CCDC91: variants seen among roughly 807,000 people sequenced by gnomAD.
CCDC91 encodes the protein coiled-coil domain-containing protein 91.
Under a neutral mutation model 63.2 loss-of-function variants are expected in CCDC91, and 48 were observed. The ratio of observed to expected loss-of-function variants is 0.76; its 90% confidence interval spans 0.60 to 0.97. The LOEUF (loss-of-function observed/expected upper bound fraction) is 0.97, where lower values mean the gene tolerates loss of function less well. Among genes scored for constraint, CCDC91 ranks in the 50% least tolerant of loss-of-function variants. CCDC91 has a pLI of 0.00. For missense variants in CCDC91, 500 were observed against 494.6 expected (o/e 1.01, Z -0.10); for synonymous variants, 167 against 165.8 (o/e 1.01, Z -0.06).
intron 3 of CCDC91, among the ~76,000 whole-genome samples, chr12:28,296,956 A>G (rs1949597237): frequency 6.6e-6 from 1 of 151,908 alleles, no homozygotes; most frequent in African/African-American, 2.4e-5. Flanking sequence ...TTTGGGGATC[A>G]GAGGTGAGAT....
intron 6 of CCDC91, among the ~76,000 whole-genome samples, chr12:28,326,105 G>T (rs1940971641): frequency 6.6e-6 from 1 of 152,004 alleles, no homozygotes; most frequent in Admixed American, 6.6e-5. Flanking sequence ...TTGTCTAAGA[G>T]ATATTTGTGG....
At chr12:28,203,422 C>T (rs375594186) in intron 1 of CCDC91, among the ~76,000 whole-genome samples, 7 of 152,172 alleles carry the variant, frequency 4.6e-5, no homozygotes, top group Non-Finnish European at 7.3e-5. Context: ...GTCACCTTAT[C>T]CCAATTATAC....
chr12:28,491,726 G>A (rs1341301303), intron 12 of CCDC91, among the ~76,000 whole-genome samples: 1 of 151,758 alleles, frequency 6.6e-6, no homozygotes, highest in African/African-American at 2.4e-5. Flanking sequence ...CTAGATTCTT[G>A]ATATACCTTT....
chr12:28,473,298 G>C (rs1419259066), intron 11 of CCDC91, among the ~76,000 whole-genome samples: 4 of 152,258 alleles, frequency 2.6e-5, no homozygotes, highest in South Asian at 2.1e-4. Context: ...TTGAGCTTCA[G>C]TTTCAGACAG....
intron 6 of CCDC91, among the ~76,000 whole-genome samples, chr12:28,313,977 C>T (rs1939588138): frequency 6.6e-6 from 1 of 152,010 alleles, no homozygotes; most frequent in Non-Finnish European, 1.5e-5. Context: ...TGTCCTCATG[C>T]TGCCACATTT....
intron 11 of CCDC91, among the ~76,000 whole-genome samples, chr12:28,470,036 G>A (rs1950736013): frequency 6.6e-6 from 1 of 152,070 alleles, no homozygotes; most frequent in African/African-American, 2.4e-5. Context: ...AAGATTTCTT[G>A]AGTATTACCC....
At chr12:28,313,703 A>C (rs80135150) in intron 6 of CCDC91, among the ~76,000 whole-genome samples, 1 of 152,070 alleles carries the variant, frequency 6.6e-6, no homozygotes, top group Admixed American at 6.6e-5. Context: ...TGTGAACTCT[A>C]TAGTACAATG....
intron 8 of CCDC91, among the ~76,000 whole-genome samples, chr12:28,395,177 G>A (rs1946214043): frequency 6.6e-6 from 1 of 152,102 alleles, no homozygotes; most frequent in South Asian, 2.1e-4. Context: ...TGTTGTATAT[G>A]AATACTAGAC....
intron 6 of CCDC91, among the ~76,000 whole-genome samples, chr12:28,320,574 T>G (rs1329537750): frequency 6.6e-6 from 1 of 151,900 alleles, no homozygotes; most frequent in African/African-American, 2.4e-5. Context: ...TCAGCCATTC[T>G]AGAACAAAGC....
intron 12 of CCDC91, among the ~76,000 whole-genome samples, chr12:28,508,901 A>G (rs1939051328): frequency 6.6e-6 from 1 of 151,928 alleles, no homozygotes; most frequent in Admixed American, 6.6e-5. Flanking sequence ...ATGGTTATTG[A>G]TATACAGTGT....
chr12:28,454,316 A>G (rs1190032317), intron 11 of CCDC91, among the ~76,000 whole-genome samples: 1 of 152,114 alleles, frequency 6.6e-6, no homozygotes, highest in African/African-American at 2.4e-5. Flanking sequence ...ACCCACACCA[A>G]TCAACCTAAT....
At chr12:28,202,075 T>C (rs1338674115) in intron 1 of CCDC91, among the ~76,000 whole-genome samples, 1 of 152,248 alleles carries the variant, frequency 6.6e-6, no homozygotes, top group Non-Finnish European at 1.5e-5. Context: ...TAAATTATTA[T>C]ACTTTTTAAT....
chr12:28,340,900 G>A (rs1942369504), intron 6 of CCDC91, among the ~76,000 whole-genome samples: 1 of 152,172 alleles, frequency 6.6e-6, no homozygotes, highest in South Asian at 2.1e-4. Flanking sequence ...TGGAAGAATT[G>A]GATCCCATGT....
chr12:28,322,932 A>G (rs1331563871), intron 6 of CCDC91, among the ~76,000 whole-genome samples: 1 of 151,412 alleles, frequency 6.6e-6, no homozygotes, highest in Non-Finnish European at 1.5e-5. Context: ...CCTTATTAGT[A>G]TGTTAGATTT....
intron 3 of CCDC91, among the ~76,000 whole-genome samples, chr12:28,293,588 G>T (rs1340254917): frequency 1.3e-5 from 2 of 152,146 alleles, no homozygotes; most frequent in Non-Finnish European, 2.9e-5. Context: ...TTTAATGATA[G>T]ACTGTTGTTG....
At chr12:28,516,056 A>G (rs1939910203) in intron 12 of CCDC91, among the ~76,000 whole-genome samples, 1 of 152,024 alleles carries the variant, frequency 6.6e-6, no homozygotes, top group Non-Finnish European at 1.5e-5. Context: ...GTCTTCTGAC[A>G]TTGAAGCATT....
At chr12:28,522,785 AT>A (rs1349880592) in intron 12 of CCDC91, among the ~76,000 whole-genome samples, 3 of 151,992 alleles carry the variant, frequency 2.0e-5, no homozygotes, top group Non-Finnish European at 4.4e-5. Flanking sequence ...CTTTGTTCTC[AT>A]TGGTTTCAAA....
At chr12:28,455,537 G>A (rs1298437640) in intron 11 of CCDC91, among the ~76,000 whole-genome samples, 1 of 151,856 alleles carries the variant, frequency 6.6e-6, no homozygotes, top group Non-Finnish European at 1.5e-5. Flanking sequence ...TCAAATAAAG[G>A]GCATTACAAA....
chr12:28,303,648 T>C (rs1165781326), intron 3 of CCDC91, among the ~76,000 whole-genome samples: 1 of 152,188 alleles, frequency 6.6e-6, no homozygotes, highest in Non-Finnish European at 1.5e-5. Flanking sequence ...TAAATTTTAA[T>C]GATAATCTTT....
Sources: allele counts gnomAD v4.1 joint callset (sites outside exome capture counted in the v4.1 genomes callset), GRCh38; gene constraint gnomAD v4.1.1; transcripts MANE v1.5; gene names NCBI Gene and HGNC (gene_info 2026-07-23, HGNC 2026-07-21).